UBXN4: variants seen among roughly 807,000 people sequenced by gnomAD.
The protein encoded by UBXN4 is UBX domain-containing protein 4.
In UBXN4, 35 loss-of-function variants were observed where a neutral mutation model predicts 66.2. The ratio of observed to expected loss-of-function variants is 0.53; its 90% CI spans 0.40 to 0.70. The LOEUF (loss-of-function observed/expected upper bound fraction) is 0.70, where lower values mean the gene tolerates loss of function less well. Among genes scored for constraint, UBXN4 ranks in the 30% least tolerant of loss-of-function variants. UBXN4 has a pLI of 0.00. For missense variants in UBXN4, 533 were observed against 599.8 expected (o/e 0.89, Z 1.16); for synonymous variants, 203 against 204.5 (o/e 0.99, Z 0.06).
chr2:135,761,895 A>G lies in UBXN4; in HGVS notation c.586A>G (p.Asn196Asp). 1 of 1,612,966 alleles carries G rather than the reference A, an allele frequency of 6.2e-7. No individual in the cohort carries two copies. Residue 196 changes from asparagine to aspartate, a missense_variant, in exon 6 of 13, where the codon AAC becomes GAC. Physicochemically the swap from Asn to Asp is conservative, Grantham distance 23. Around this residue, in one of 2 missense-constraint regions of UBXN4, gnomAD observed 529 missense variants for 580.1 expected, o/e 0.91. Transcript: ENST00000272638. Reference sequence around the variant, plus strand: ...AGATCAGAGACCTGCAGAGGACCTCAACATCCGAGTGGAAAGGTTTGCTCT... The same window carrying G: ...AGATCAGAGACCTGCAGAGGACCTCGACATCCGAGTGGAAAGGTTTGCTCT... ...CSDQRPAEDL[N>D]IRVERLTKKL...
intron 12 of UBXN4, 113 bp from the exon 13 acceptor site, chr2:135,782,636 T>C: frequency 7.8e-7 from 1 of 1,275,486 alleles, no homozygotes; most frequent in South Asian, 1.5e-5. Context: ...TTACTTTAGA[T>C]GGCATTAAAA....
At chr2:135,779,148 T>A in intron 11 of UBXN4, 69 bp downstream of exon 11, 1 of 1,455,916 alleles carries the variant, frequency 6.9e-7, no homozygotes, top group Non-Finnish European at 9.1e-7. Context: ...TCATTTCTTA[T>A]AATTAGGGGA....
Position 135,748,292 on chromosome 2 carries a change from G to A in UBXN4, c.108G>A (p.Met36Ile). The stretch of plus-strand genomic sequence containing the variant: ...GTGATGATGAACAGTCTACACAGAT[G>A]GCTGCAAGTTGGGAAGATGATAAAG... Reference protein sequence around the residue: ...VAGDDEQSTQMAASWEDDKVT... With the variant: ...VAGDDEQSTQIAASWEDDKVT... The change falls in exon 2 of 13, where the codon ATG (methionine) becomes ATA (isoleucine). Residue 36 changes from methionine (M) to isoleucine (I), a missense_variant. By Grantham distance (10) the Met-to-Ile change is conservative. Around this residue, in one of 2 missense-constraint regions of UBXN4, gnomAD observed 529 missense variants for 580.1 expected, o/e 0.91. Transcript: ENST00000272638. 6.2e-7 allele frequency: 1 copy of A among 1,606,838 alleles called. No individual in the cohort carries two copies. The highest frequency in any genetic ancestry group is 8.5e-7 in the Non-Finnish European group (1 of 1,176,436).
intron 12 of UBXN4, among the ~76,000 whole-genome samples, chr2:135,782,478 C>G (rs2077456282): frequency 6.6e-6 from 1 of 152,158 alleles, no homozygotes; most frequent in Admixed American, 6.5e-5. Flanking sequence ...TCCTCTAATG[C>G]TTATTAAGTC....
rs989719950 is a variant in UBXN4 at position 135,751,374 on chromosome 2, G to C, written c.186-2165G>C. Among the ~76,000 whole-genome samples, 3 of 149,384 alleles carry C rather than the reference G, an allele frequency of 2.0e-5. No homozygotes were observed. The Admixed American group carries it at 2.0e-4, about 10-fold the overall frequency. On this transcript the variant is annotated intron_variant, in intron 2 of 12. Transcript: ENST00000272638. ...GCTAATTTTTAAAATAGTTTTAGTA[G>C]AGATGGGGTTTCACAGTGTTAGCCA...
At chr2:135,780,568 G>T (rs759179734) in intron 12 of UBXN4, among the ~76,000 whole-genome samples, 183 bp downstream of exon 12, 44 of 152,232 alleles carry the variant, frequency 2.9e-4, no homozygotes, top group Admixed American at 1.6e-3. Context: ...CACTACCTGC[G>T]TTTTCTCAGC....
chr2:135,762,007 A>C, intron 6 of UBXN4, 96 bp downstream of exon 6: 5 of 1,277,378 alleles, frequency 3.9e-6, no homozygotes, highest in Non-Finnish European at 5.4e-6. Flanking sequence ...TATACAAATG[A>C]AGTTTTAGAA....
intron 6 of UBXN4, 117 bp downstream of exon 6, chr2:135,762,028 A>T (rs2077319177): frequency 1.9e-6 from 2 of 1,079,694 alleles, no homozygotes; most frequent in Non-Finnish European, 2.6e-6. Context: ...TTCTGAGTTG[A>T]AATTTTTGAT....
At chr2:135,760,883 G>T (rs928603209) in intron 5 of UBXN4, among the ~76,000 whole-genome samples, 1 of 152,144 alleles carries the variant, frequency 6.6e-6, no homozygotes, top group Non-Finnish European at 1.5e-5. Context: ...AAGCTACCTA[G>T]GTTATGCCCC....
At chr2:135,767,447 A>G (rs1369014307) in intron 6 of UBXN4, among the ~76,000 whole-genome samples, 1 of 152,230 alleles carries the variant, frequency 6.6e-6, no homozygotes, top group Non-Finnish European at 1.5e-5. Flanking sequence ...CCTCCATAAG[A>G]TGATCACTAT....
rs147861900 is a variant in UBXN4, at chr2:135,779,375, A to T, written c.1185+296A>T. Among the ~76,000 whole-genome samples, 14 of 152,330 alleles carry T rather than the reference A, an allele frequency of 9.2e-5. No homozygotes were observed. In the East Asian group the frequency reaches 2.5e-3, roughly 27 times the overall value. On this transcript the variant is annotated intron_variant, in intron 11 of 12. Transcript: ENST00000272638. Reference sequence around the variant, plus strand: ...GTAAGAAATGCAGATTATCTGTCTAATCCACACACTTAGTGTCTTTTATTT... The same window carrying T: ...GTAAGAAATGCAGATTATCTGTCTATTCCACACACTTAGTGTCTTTTATTT...
intron 1 of UBXN4, among the ~76,000 whole-genome samples, chr2:135,747,954 A>G (rs2077219822): frequency 1.3e-5 from 2 of 152,216 alleles, no homozygotes; most frequent in Non-Finnish European, 2.9e-5. Context: ...CTTATGTACA[A>G]AAGCCCAAAT....
chr2:135,753,740 C>G (rs1234195508), intron 3 of UBXN4, 173 bp downstream of exon 3: 16 of 581,626 alleles, frequency 2.8e-5, no homozygotes, highest in Non-Finnish European at 4.5e-5. Flanking sequence ...TAGGAAATTT[C>G]AAACATATAT....
intron 6 of UBXN4, among the ~76,000 whole-genome samples, chr2:135,763,322 G>C (rs1035273236): frequency 6.6e-6 from 1 of 151,988 alleles, no homozygotes; most frequent in Admixed American, 6.5e-5. Flanking sequence ...ATCTTTTGCA[G>C]GGTATTGAAC....
At position 135,776,242 on chromosome 2, in the gene UBXN4, T is replaced by C. The variant is rs200648289; in HGVS notation, c.951-7T>C. 5.5e-5 allele frequency: 88 copies of C among 1,611,854 alleles called. No individual in the cohort carries two copies. The African/African-American group carries it at 1.0e-3, about 19-fold the overall frequency. On this transcript the variant is annotated splice_polypyrimidine_tract_variant and splice_region_variant and intron_variant, in intron 9 of 12. Transcript: ENST00000272638. ...AAGATTGTGACTTTAATTTTCTTTT[T>C]TCATAGCACTGTTGCAAGAATTCAA...
At chr2:135,782,713 T>G (rs769469485) in intron 12 of UBXN4, 36 bp from the exon 13 acceptor site, 1 of 1,600,244 alleles carries the variant, frequency 6.2e-7, no homozygotes, top group Non-Finnish European at 8.5e-7. Flanking sequence ...TTTTATTTTA[T>G]GACATCTTCC....
At chr2:135,755,744 T>A in intron 5 of UBXN4, 53 bp downstream of exon 5, 1 of 1,143,652 alleles carries the variant, frequency 8.7e-7, no homozygotes, top group Non-Finnish European at 1.1e-6. Context: ...CACTACATTT[T>A]AATATTTAAA....
intron 9 of UBXN4, among the ~76,000 whole-genome samples, chr2:135,773,037 CAAAA>C (rs78669415): frequency 3.7e-5 from 3 of 80,030 alleles, no homozygotes; most frequent in South Asian, 4.9e-4. Flanking sequence ...ACTCCGTCCC[CAAAA>C]AAAAAAAAAA....
intron 1 of UBXN4, among the ~76,000 whole-genome samples, chr2:135,745,968 C>G (rs2077205469): frequency 2.0e-5 from 3 of 147,226 alleles, no homozygotes; most frequent in Non-Finnish European, 4.5e-5. Context: ...ACCTCCACTT[C>G]CCTGGTTCAA....
Sources: allele counts gnomAD v4.1 joint callset (sites outside exome capture counted in the v4.1 genomes callset), GRCh38; gene constraint gnomAD v4.1.1; regional missense constraint gnomAD v4.1.1; transcripts MANE v1.5; gene names NCBI Gene and HGNC (gene_info 2026-07-23, HGNC 2026-07-21).